TENM1: variants seen among roughly 807,000 people sequenced by gnomAD.
TENM1 encodes teneurin-1.
A neutral mutation model predicts 174.8 loss-of-function variants in TENM1; 35 were observed. The observed-to-expected ratio is 0.20, with a 90% CI of 0.15 to 0.27. The LOEUF is 0.27. Among genes scored for constraint, TENM1 ranks in the 10% least tolerant of loss-of-function variants. The pLI, the probability that TENM1 is intolerant of heterozygous loss-of-function variation, is 1.00. For missense variants in TENM1, 1,633 were observed against 2,130.1 expected (o/e 0.77, Z 4.59); for synonymous variants, 781 against 798.7 (o/e 0.98, Z 0.37).
At chrX:124,405,063 C>T (rs758808196) in exon 27 of TENM1, 2 of 1,211,420 alleles carry the variant, frequency 1.7e-6, no homozygotes, top group South Asian at 1.8e-5. Flanking sequence ...GAAACATTGC[C>T]TTTGTTTTGC....
rs1006408327 is a variant in TENM1, at chrX:124,900,511, C to T, written c.218-4270G>A. Among the ~76,000 whole-genome samples the T allele has an allele frequency of 4.0e-4, 44 of 111,360 alleles. 1 individual carries two copies. The highest frequency in any genetic ancestry group is 1.1e-4 in the Non-Finnish European group (6 of 53,084). ...ATGCCAAAGTTTATCATATTGCACA[C>T]CTTAAGTATACGTAGTAAGTGTAGT... On this transcript the variant is annotated intron_variant, in intron 1 of 31. Coordinates refer to ENST00000422452, the Ensembl canonical transcript of TENM1.
At chrX:124,447,228 G>A (rs7058707) in intron 23 of TENM1, among the ~76,000 whole-genome samples, 276 of 111,409 alleles carry the variant, frequency 2.5e-3, no homozygotes, top group African/African-American at 8.5e-3. Flanking sequence ...GGGAAACATC[G>A]GTTGCCAATC....
chrX:124,646,943 T>A (rs1396815289), intron 8 of TENM1, 133 bp from the exon 12 acceptor site: 11 of 429,001 alleles, frequency 2.6e-5, no homozygotes, highest in African/African-American at 5.0e-5. Flanking sequence ...CACTTACTGC[T>A]CAAAATCACA....
chrX:124,732,629 C>T (rs1233342622), intron 4 of TENM1, among the ~76,000 whole-genome samples: 1 of 111,939 alleles, frequency 8.9e-6, no homozygotes, highest in Non-Finnish European at 1.9e-5. Context: ...TTTGAGCCTA[C>T]AGTGACCAAG....
intron 22 of TENM1, among the ~76,000 whole-genome samples, chrX:124,469,765 A>G (rs1396184337): frequency 8.9e-6 from 1 of 111,931 alleles, no homozygotes; most frequent in African/African-American, 3.2e-5. Context: ...TTTGGAACAC[A>G]TATGAAAGAC....
At chrX:124,722,839 CAAAAAAAAAA>C (rs761441453) in intron 4 of TENM1, among the ~76,000 whole-genome samples, 1 of 24,761 alleles carries the variant, frequency 4.0e-5, no homozygotes, top group Non-Finnish European at 8.3e-5. Flanking sequence ...GACTCCGTCT[CAAAAAAAAAA>C]AAAAAAAAAA....
intron 4 of TENM1, among the ~76,000 whole-genome samples, chrX:124,711,551 A>T (rs2053050224): frequency 8.9e-6 from 1 of 111,922 alleles, no homozygotes; most frequent in Non-Finnish European, 1.9e-5. Flanking sequence ...TTGTACCCAG[A>T]AGAAGGAATT....
At position 124,617,895 on chromosome X, in the gene TENM1, A is replaced by G. The variant is rs181779578; in HGVS notation, c.2077+23896T>C. Among the ~76,000 whole-genome samples, 420 of 111,853 alleles carry G rather than the reference A, an allele frequency of 3.8e-3. 2 individuals are homozygous for G. The highest frequency in any genetic ancestry group is 6.2e-3 in the Non-Finnish European group (328 of 53,180). ...GGCAAGAAGCTGTCAGTGAAATGAA[A>G]GAGAGGGTTAAATGAAGGGAAAAGA... is the stretch of plus-strand genomic sequence containing the variant. On this transcript the variant is annotated intron_variant, in intron 11 of 31. Transcript: ENST00000422452.
chrX:124,687,408 C>T (rs562487736), intron 5 of TENM1, among the ~76,000 whole-genome samples: 1 of 111,717 alleles, frequency 9.0e-6, no homozygotes, highest in South Asian at 3.8e-4. Context: ...GGACCCCTTC[C>T]TTATGCTTTA....
At chrX:124,623,502 AGT>A (rs2050569366) in intron 11 of TENM1, among the ~76,000 whole-genome samples, 1 of 111,666 alleles carries the variant, frequency 9.0e-6, no homozygotes, top group Non-Finnish European at 1.9e-5. Flanking sequence ...CAGTCATTAG[AGT>A]GTGCTCTAAG....
At chrX:125,192,836 G>T in the TENM1 span, among the ~76,000 whole-genome samples, 1 of 111,603 alleles carries the variant, frequency 9.0e-6, no homozygotes, top group Non-Finnish European at 1.9e-5. Context: ...TCTTAAAATT[G>T]TAAGTGTACA....
intron 11 of TENM1, among the ~76,000 whole-genome samples, chrX:124,576,150 C>T (rs1252648392): frequency 9.9e-5 from 11 of 110,709 alleles, no homozygotes; most frequent in Admixed American, 9.6e-4. Flanking sequence ...ACCTCCACTT[C>T]CTGGGTTCAA....
At chrX:124,413,492 C>T (rs967120222) in intron 25 of TENM1, among the ~76,000 whole-genome samples, 5 of 111,792 alleles carry the variant, frequency 4.5e-5, no homozygotes, top group Admixed American at 1.9e-4. Flanking sequence ...ACAGAACCAT[C>T]GATAGTGCTT....
intron 4 of TENM1, among the ~76,000 whole-genome samples, chrX:124,720,831 G>A (rs2053293753): frequency 8.9e-6 from 1 of 112,035 alleles, no homozygotes; most frequent in African/African-American, 3.2e-5. Flanking sequence ...GAAGTGTGGT[G>A]TCTTCTTCAG....
chrX:125,136,291 C>G, the TENM1 span, among the ~76,000 whole-genome samples: 26,763 of 110,363 alleles, frequency 0.24, 2,780 homozygotes, highest in African/African-American at 0.37. Flanking sequence ...GGAGAAGAGA[C>G]ACTGCCAAGG....
At chrX:124,483,819 C>T (rs2046897415) in intron 21 of TENM1, among the ~76,000 whole-genome samples, 1 of 111,646 alleles carries the variant, frequency 9.0e-6, no homozygotes, top group East Asian at 2.8e-4. Flanking sequence ...TACCATGAGT[C>T]CAAGTGTTAT....
At chrX:124,457,122 A>G (rs764205657) in intron 22 of TENM1, among the ~76,000 whole-genome samples, 4 of 112,448 alleles carry the variant, frequency 3.6e-5, no homozygotes, top group African/African-American at 1.3e-4. Flanking sequence ...CAATAGCTTG[A>G]GTCCCCTCAA....
chrX:124,831,997 T>G (rs1252891439), intron 3 of TENM1, among the ~76,000 whole-genome samples: 1 of 111,509 alleles, frequency 9.0e-6, no homozygotes, highest in African/African-American at 3.3e-5. Context: ...CACTAAAAAG[T>G]TTAGTTGCAG....
the TENM1 span, among the ~76,000 whole-genome samples, chrX:125,097,812 T>C: frequency 8.9e-6 from 1 of 112,463 alleles, no homozygotes; most frequent in African/African-American, 3.2e-5. Flanking sequence ...GTTAAGTCAC[T>C]AATTCAGCAA....
Sources: gnomAD v4.1 joint callset for allele counts (sites outside exome capture counted in the v4.1 genomes callset) on GRCh38, gnomAD v4.1.1 for gene constraint, MANE v1.5 for transcripts, NCBI Gene and HGNC (gene_info 2026-07-23, HGNC 2026-07-21) for gene names.